The following MB21D2 variants were observed in gnomAD, a reference collection of about 807,000 sequenced individuals.
MB21D2 encodes Mab-21 domain containing 2.
A neutral mutation model predicts 33.3 loss-of-function variants in MB21D2; 9 were observed. The observed-to-expected ratio is 0.27, with a 90% CI of 0.16 to 0.47. The LOEUF is 0.47. MB21D2 is among the 20% of genes least tolerant of loss of function. The probability of loss-of-function intolerance (pLI) is 0.99; values close to 1 mark genes in which losing one functional copy is unlikely to be tolerated. For synonymous variants in MB21D2, 241 were observed against 236.3 expected (o/e 1.02, Z -0.18); for missense variants, 540 against 624.6 (o/e 0.86, Z 1.44).
chr3:192,835,631 A>T (rs1157276601), intron 1 of MB21D2, among the ~76,000 whole-genome samples: 1 of 152,070 alleles, frequency 6.6e-6, no homozygotes, highest in Non-Finnish European at 1.5e-5. Context: ...TTGGTCTAAA[A>T]CTATTTATTA....
chr3:192,873,241 G>A (rs1421309950), intron 1 of MB21D2, among the ~76,000 whole-genome samples: 1 of 152,168 alleles, frequency 6.6e-6, no homozygotes, highest in Non-Finnish European at 1.5e-5. Flanking sequence ...AGAGTTAAGT[G>A]ACGGTTAACA....
intron 1 of MB21D2, among the ~76,000 whole-genome samples, chr3:192,862,707 G>C (rs186356180): frequency 1.6e-3 from 243 of 152,318 alleles, no homozygotes; most frequent in African/African-American, 5.5e-3. Flanking sequence ...ACACTTAAGA[G>C]AAAAGGGAAA....
intron 1 of MB21D2, among the ~76,000 whole-genome samples, chr3:192,893,622 A>C (rs73066213): frequency 0.074 from 11,324 of 152,224 alleles, 1,231 homozygotes; most frequent in African/African-American, 0.24. Flanking sequence ...AGCACTTAGC[A>C]CTTAGCCTCA....
At chr3:192,864,106 C>T (rs555532017) in intron 1 of MB21D2, among the ~76,000 whole-genome samples, 1 of 152,248 alleles carries the variant, frequency 6.6e-6, no homozygotes, top group African/African-American at 2.4e-5. Flanking sequence ...TCCTCTGTGG[C>T]AGTGGGTATC....
intron 1 of MB21D2, among the ~76,000 whole-genome samples, chr3:192,884,520 C>G: frequency 7.8e-6 from 1 of 128,200 alleles, no homozygotes; most frequent in African/African-American, 2.9e-5. Context: ...GCGCCCGCCA[C>G]CACGCCCGGC....
chr3:192,849,937 T>TC (rs547913440), intron 1 of MB21D2, among the ~76,000 whole-genome samples: 2 of 149,230 alleles, frequency 1.3e-5, no homozygotes, highest in East Asian at 1.9e-4. Flanking sequence ...TTTTTTTTTT[T>TC]CGAGACAGTC....
At chr3:192,851,625 GA>G (rs1410664174) in intron 1 of MB21D2, among the ~76,000 whole-genome samples, 28 of 151,106 alleles carry the variant, frequency 1.9e-4, no homozygotes, top group African/African-American at 6.8e-4. Flanking sequence ...CTCCAGAGTA[GA>G]TGGGATTAAG....
intron 1 of MB21D2, among the ~76,000 whole-genome samples, chr3:192,838,086 C>A (rs1022566674): frequency 2.8e-4 from 42 of 152,228 alleles, no homozygotes; most frequent in Non-Finnish European, 4.4e-5. Flanking sequence ...GTGGCTGGAG[C>A]TGCAGCCATT....
At chr3:192,904,261 C>G (rs1218876597) in intron 1 of MB21D2, among the ~76,000 whole-genome samples, 1 of 152,132 alleles carries the variant, frequency 6.6e-6, no homozygotes, top group African/African-American at 2.4e-5. Flanking sequence ...CGATTCTGCC[C>G]CAAACTAGCT....
intron 1 of MB21D2, among the ~76,000 whole-genome samples, chr3:192,909,964 GAA>G (rs772624206): frequency 0.027 from 2,564 of 93,712 alleles, 38 homozygotes; most frequent in Middle Eastern, 0.043. Context: ...AAAAAAAAAA[GAA>G]AGAGAGAGAG....
chr3:192,894,767 C>G (rs1368268806), intron 1 of MB21D2, among the ~76,000 whole-genome samples: 2 of 152,156 alleles, frequency 1.3e-5, no homozygotes, highest in Admixed American at 1.3e-4. Context: ...ATTCTTCCAT[C>G]TCTCACCTGA....
At chr3:192,896,960 C>A (rs551685518) in intron 1 of MB21D2, among the ~76,000 whole-genome samples, 1 of 152,082 alleles carries the variant, frequency 6.6e-6, no homozygotes, top group Non-Finnish European at 1.5e-5. Context: ...TGAGGGAAAA[C>A]CTATGGTTCC....
chr3:192,880,201 G>GGAATCGTGCTACATAACAACCC (rs1560248391), intron 1 of MB21D2, among the ~76,000 whole-genome samples: 9 of 151,900 alleles, frequency 5.9e-5, no homozygotes, highest in African/African-American at 2.2e-4. Context: ...AAAAAAATTA[G>GGAATCGTGCTACATAACAACCC]CCAGGCGTGG....
chr3:192,822,757 C>T (rs1030028358), intron 1 of MB21D2, among the ~76,000 whole-genome samples: 2 of 152,158 alleles, frequency 1.3e-5, no homozygotes, highest in African/African-American at 4.8e-5. Flanking sequence ...TAACTGCTTC[C>T]TTGTATGGAT....
chr3:192,914,319 T>C (rs747549940), intron 1 of MB21D2, among the ~76,000 whole-genome samples: 6 of 152,178 alleles, frequency 3.9e-5, no homozygotes, highest in Non-Finnish European at 5.9e-5. Context: ...AATGATTAAC[T>C]ACCGTAAAAA....
intron 1 of MB21D2, among the ~76,000 whole-genome samples, chr3:192,825,780 A>G (rs1712162893): frequency 1.3e-5 from 2 of 152,220 alleles, no homozygotes; most frequent in Admixed American, 1.3e-4. Context: ...AACAGAAGGT[A>G]GAGGAAATGA....
At chr3:192,816,329 T>C (rs1711923602) in intron 1 of MB21D2, among the ~76,000 whole-genome samples, 1 of 152,088 alleles carries the variant, frequency 6.6e-6, no homozygotes, top group Non-Finnish European at 1.5e-5. Flanking sequence ...AAAAATGACA[T>C]TTTGTACACA....
At chr3:192,905,813 A>G (rs1714204679) in intron 1 of MB21D2, among the ~76,000 whole-genome samples, 1 of 151,964 alleles carries the variant, frequency 6.6e-6, no homozygotes, top group African/African-American at 2.4e-5. Flanking sequence ...AGCCTGGGTG[A>G]CAGAGCACGC....
intron 1 of MB21D2, among the ~76,000 whole-genome samples, chr3:192,911,952 C>T (rs1714366652): frequency 6.6e-6 from 1 of 152,182 alleles, no homozygotes; most frequent in African/African-American, 2.4e-5. Flanking sequence ...CCATAAAACA[C>T]CAACGCACCA....
Sources: allele counts gnomAD v4.1 joint callset (sites outside exome capture counted in the v4.1 genomes callset), GRCh38; gene constraint gnomAD v4.1.1; transcripts MANE v1.5; gene names NCBI Gene and HGNC (gene_info 2026-07-23, HGNC 2026-07-21).